The following PKNOX2 variants were observed in gnomAD, a reference collection of about 807,000 sequenced individuals.
PKNOX2 encodes the protein PBX/knotted 1 homeobox 2, also known as homeobox protein PKNOX2.
Under a neutral mutation model 53.1 loss-of-function variants are expected in PKNOX2, and 14 were observed. The observed-to-expected ratio is 0.26, with a 90% CI of 0.17 to 0.41. The LOEUF is 0.41. Among genes scored for constraint, PKNOX2 ranks in the 10% least tolerant of loss-of-function variants. The pLI is 1.00. For synonymous variants in PKNOX2, 257 were observed against 242.8 expected (o/e 1.06, Z -0.54); for missense variants, 496 against 602.8 (o/e 0.82, Z 1.85).
chr11:125,387,494 A>G (rs1953722332), intron 6 of PKNOX2, among the ~76,000 whole-genome samples: 1 of 152,122 alleles, frequency 6.6e-6, no homozygotes, highest in Non-Finnish European at 1.5e-5. Context: ...CTCAGCCTGG[A>G]AAACGCCCAG....
chr11:125,203,537 A>T (rs914138422), intron 1 of PKNOX2, among the ~76,000 whole-genome samples: 7 of 152,170 alleles, frequency 4.6e-5, no homozygotes, highest in Admixed American at 4.6e-4. Context: ...AGAGCTGTAC[A>T]GTGTTCTTTG....
intron 3 of PKNOX2, among the ~76,000 whole-genome samples, chr11:125,349,216 A>G (rs1333605247): frequency 2.0e-5 from 3 of 152,124 alleles, no homozygotes; most frequent in Non-Finnish European, 4.4e-5. Flanking sequence ...TGATGTCTCA[A>G]AAAGTCTATA....
At position 125,367,868 on chromosome 11, in the gene PKNOX2, C is replaced by T; in HGVS notation, c.110C>T (p.Pro37Leu). The T allele has an allele frequency of 1.9e-6, 3 of 1,612,728 alleles. No individual in the cohort carries two copies. Among genetic ancestry groups the T allele is most frequent in the Non-Finnish European group, 2.5e-6 (3 of 1,179,580 alleles). ...CAGATGACGGCAACCGCCCAGCCAC[C>T]CTCCAAGGCCCAGGCTGTCCACATC... is the stretch of plus-strand genomic sequence containing the variant. The part of the protein sequence containing the change: ...SPQMTATAQP[P>L]SKAQAVHISA... Residue 37 changes from proline to leucine, a missense_variant, in exon 5 of 13, where the codon CCC becomes CTC. Physicochemically the swap from Pro to Leu is moderately conservative, Grantham distance 98. Transcript: ENST00000298282.
chr11:125,179,965 TC>T (rs1477408559), intron 1 of PKNOX2, among the ~76,000 whole-genome samples: 1 of 152,154 alleles, frequency 6.6e-6, no homozygotes, highest in Non-Finnish European at 1.5e-5. Context: ...GCCAAAGTCC[TC>T]CCCATGGCTG....
At position 125,370,963 on chromosome 11, in the gene PKNOX2, C is replaced by T. The variant is rs1327610490; in HGVS notation, c.227+2978C>T. Among the ~76,000 whole-genome samples the T allele has an allele frequency of 6.6e-6, 1 of 152,202 alleles. No individual in the cohort carries two copies. The highest frequency in any genetic ancestry group is 6.5e-5 in the Admixed American group (1 of 15,280). On this transcript the variant is annotated intron_variant, in intron 5 of 12. Transcript: ENST00000298282. This position sits in a 1 kb window ranked among gnomAD's most constrained non-coding sequence, Gnocchi z 4.1. ...GAAGGAAGGGTGGGTGTGGCCCCTC[C>T]CTGCCTAGGACACTGCTCGGTGGCA...
chr11:125,392,142 C>CAA (rs545035197), intron 6 of PKNOX2, among the ~76,000 whole-genome samples: 333 of 152,348 alleles, frequency 2.2e-3, no homozygotes, highest in African/African-American at 7.9e-3. Flanking sequence ...ATTATTTTTA[C>CAA]AACTTGCATG....
At chr11:125,231,896 A>G (rs1171547532) in intron 1 of PKNOX2, among the ~76,000 whole-genome samples, 1 of 152,240 alleles carries the variant, frequency 6.6e-6, no homozygotes, top group Non-Finnish European at 1.5e-5. Flanking sequence ...TGTCAACACT[A>G]TCAGCCTTCG....
chr11:125,289,042 A>G lies in PKNOX2; in HGVS notation c.-129-42777A>G, dbSNP rs112913095. 1.8e-3 allele frequency among the ~76,000 whole-genome samples: 277 copies of G among 152,388 alleles called. 5 individuals carry two copies. The highest frequency in any genetic ancestry group is 6.5e-3 in the African/African-American group (269 of 41,596). On this transcript the variant is annotated intron_variant, in intron 2 of 12. Transcript: ENST00000298282. Reference sequence around the variant, plus strand: ...AACAACATAGCACAGTGCAAAGCACATAGCAGGTGCCTTTTACCATTTCAT... The same window carrying G: ...AACAACATAGCACAGTGCAAAGCACGTAGCAGGTGCCTTTTACCATTTCAT...
At chr11:125,406,457 T>G (rs563604402) in intron 7 of PKNOX2, among the ~76,000 whole-genome samples, 1 of 152,286 alleles carries the variant, frequency 6.6e-6, no homozygotes, top group African/African-American at 2.4e-5. Flanking sequence ...CGTAAAGAAC[T>G]CAAGTGGCTT....
intron 7 of PKNOX2, among the ~76,000 whole-genome samples, chr11:125,403,755 G>A (rs1453234570): frequency 6.6e-6 from 1 of 152,188 alleles, no homozygotes; most frequent in Non-Finnish European, 1.5e-5. Flanking sequence ...TTGGTCAGTG[G>A]GGTAGGGACT....
intron 2 of PKNOX2, among the ~76,000 whole-genome samples, chr11:125,300,555 C>T (rs11606548): frequency 2.6e-5 from 4 of 151,458 alleles, no homozygotes; most frequent in African/African-American, 9.7e-5. Flanking sequence ...AAGGTGTGTG[C>T]GTGCACAGAG....
chr11:125,402,006 C>T (rs967454835), intron 7 of PKNOX2, among the ~76,000 whole-genome samples: 5 of 152,078 alleles, frequency 3.3e-5, no homozygotes, highest in South Asian at 2.1e-4. Flanking sequence ...TGTTGCAAAG[C>T]GGGAGACATT....
rs201739744 is a variant in PKNOX2, at chr11:125,224,698, G to A, written c.-200-10347G>A. Reference sequence around the variant, plus strand: ...CCAGATCCAGGTGGGGACACCAGCCGCGGCTGCCTTCTCCACTGAGCCACC... The same window carrying A: ...CCAGATCCAGGTGGGGACACCAGCCACGGCTGCCTTCTCCACTGAGCCACC... On this transcript the variant is annotated intron_variant, in intron 1 of 12. Coordinates refer to ENST00000298282, the MANE Select transcript of PKNOX2 (RefSeq NM_001382323.2). 2.4e-4 allele frequency among the ~76,000 whole-genome samples: 36 copies of A among 152,340 alleles called. No individual in the cohort carries two copies. The East Asian group carries it at 5.2e-3, about 22-fold the overall frequency.
intron 2 of PKNOX2, among the ~76,000 whole-genome samples, chr11:125,270,999 C>T (rs1250217074): frequency 6.6e-6 from 1 of 152,130 alleles, no homozygotes; most frequent in East Asian, 1.9e-4. Flanking sequence ...ACCTTAGCTG[C>T]CTTGGGGGGT....
rs1465738988 is a variant in PKNOX2, at chr11:125,166,777, C to T, written c.-201+2001C>T. On this transcript the variant is annotated intron_variant, in intron 1 of 12. Coordinates refer to ENST00000298282, the MANE Select transcript of PKNOX2 (RefSeq NM_001382323.2). This position sits in a 1 kb window ranked among gnomAD's most constrained non-coding sequence, Gnocchi z 4.0. ...CCCACAAACCCGGCCTTTGGTGCGCCCGGGGGAGGAGGAAGCTTGGAGTGC... is the reference window on the plus strand; with the variant it reads ...CCCACAAACCCGGCCTTTGGTGCGCTCGGGGGAGGAGGAAGCTTGGAGTGC... Among the ~76,000 whole-genome samples, 5 of 152,200 alleles carry T rather than the reference C, an allele frequency of 3.3e-5. No individual in the cohort carries two copies. The highest frequency in any genetic ancestry group is 7.3e-5 in the Non-Finnish European group (5 of 68,032).
intron 10 of PKNOX2, among the ~76,000 whole-genome samples, chr11:125,418,572 C>A (rs990822154): frequency 1.3e-5 from 2 of 151,974 alleles, no homozygotes; most frequent in Non-Finnish European, 2.9e-5. Flanking sequence ...GAGCTCCTGG[C>A]CAAGGAGGGC....
At chr11:125,368,467 A>C (rs1286212132) in intron 5 of PKNOX2, among the ~76,000 whole-genome samples, 2 of 152,234 alleles carry the variant, frequency 1.3e-5, no homozygotes, top group East Asian at 3.8e-4. Flanking sequence ...CAAAGAGGAC[A>C]AATCAGTAGA....
intron 1 of PKNOX2, among the ~76,000 whole-genome samples, chr11:125,211,625 T>G (rs618888): frequency 0.71 from 108,670 of 152,036 alleles, 39,139 homozygotes; most frequent in East Asian, 0.77. Flanking sequence ...AATGTGGCCT[T>G]GGTCTTCTGG....
At chr11:125,236,237 G>C (rs182250100) in intron 2 of PKNOX2, among the ~76,000 whole-genome samples, 4 of 152,154 alleles carry the variant, frequency 2.6e-5, no homozygotes, top group Admixed American at 2.6e-4. Context: ...GCGATTCAGC[G>C]CCGGTCGCCT....
Sources: allele counts gnomAD v4.1 joint callset (sites outside exome capture counted in the v4.1 genomes callset), GRCh38; gene constraint gnomAD v4.1.1; non-coding constraint Gnocchi (gnomAD v3.1); transcripts MANE v1.5; gene names NCBI Gene and HGNC (gene_info 2026-07-23, HGNC 2026-07-21).